TCF20: variants seen among roughly 807,000 people sequenced by gnomAD.
TCF20 encodes the protein transcription factor 20, also known as SPRE-binding protein.
Under a neutral mutation model 148.6 loss-of-function variants are expected in TCF20, and 3 were observed. That is an observed-to-expected ratio of 0.02 (90% CI 0.01 to 0.05). The LOEUF (loss-of-function observed/expected upper bound fraction) is 0.05, where lower values mean the gene tolerates loss of function less well. TCF20 is among the 10% of genes least tolerant of loss of function. The pLI, the probability that TCF20 is intolerant of heterozygous loss-of-function variation, is 1.00. For missense variants in TCF20, 2,350 were observed against 2,429.3 expected (o/e 0.97, Z 0.69); for synonymous variants, 1,049 against 909.5 (o/e 1.15, Z -2.76).
chr22:42,324,032 T>TGGAGGTTATGGTGGTGGAGGTGGTGGC (rs1569209822), intron 1 of TCF20, among the ~76,000 whole-genome samples: 42 of 133,804 alleles, frequency 3.1e-4, no homozygotes, highest in Admixed American at 4.5e-4. Context: ...GTGGTGGTGA[T>TGGAGGTTATGGTGGTGGAGGTGGTGGC]GGAGGTTATG....
At chr22:42,242,354 G>T (rs548736257) in intron 1 of TCF20, among the ~76,000 whole-genome samples, 1 of 151,798 alleles carries the variant, frequency 6.6e-6, no homozygotes, top group Non-Finnish European at 1.5e-5. Context: ...ACAAATAAGA[G>T]ATATCACCAA....
intron 1 of TCF20, among the ~76,000 whole-genome samples, chr22:42,222,470 C>A (rs1205320963): frequency 1.3e-5 from 2 of 151,042 alleles, no homozygotes; most frequent in African/African-American, 4.8e-5. Context: ...TGCTTAACTG[C>A]CATTTTGACA....
At chr22:42,184,243 T>C (rs1333559114) in intron 2 of TCF20, among the ~76,000 whole-genome samples, 2 of 152,168 alleles carry the variant, frequency 1.3e-5, no homozygotes, top group East Asian at 3.9e-4. Flanking sequence ...CTGCTAAAGA[T>C]CACATAGCTA....
intron 1 of TCF20, among the ~76,000 whole-genome samples, chr22:42,218,743 A>G (rs996792380): frequency 5.9e-5 from 9 of 152,180 alleles, no homozygotes; most frequent in African/African-American, 2.2e-4. Flanking sequence ...CACTTTAAAC[A>G]TCAGGGTATC....
intron 1 of TCF20, among the ~76,000 whole-genome samples, chr22:42,240,317 G>A (rs1012753146): frequency 3.2e-4 from 49 of 152,160 alleles, no homozygotes; most frequent in African/African-American, 1.2e-3. Flanking sequence ...ATACCACCTG[G>A]TTTACCCAAA....
At chr22:42,163,150 C>T (rs1011863461) in intron 5 of TCF20, among the ~76,000 whole-genome samples, 7 of 152,238 alleles carry the variant, frequency 4.6e-5, no homozygotes, top group Admixed American at 6.5e-5. Context: ...CTTGGGCCTG[C>T]ACCCCAATCT....
intron 2 of TCF20, among the ~76,000 whole-genome samples, chr22:42,180,407 G>A (rs552675537): frequency 1.3e-5 from 2 of 152,060 alleles, no homozygotes; most frequent in South Asian, 4.2e-4. Context: ...CTTAAAGTGG[G>A]GCACATCTCT....
At chr22:42,260,587 C>T (rs1471553923) in intron 1 of TCF20, among the ~76,000 whole-genome samples, 1 of 152,124 alleles carries the variant, frequency 6.6e-6, no homozygotes, top group Non-Finnish European at 1.5e-5. Context: ...CTCGCAGATG[C>T]AATACGCCCA....
chr22:42,176,680 G>A (rs1263678154), intron 3 of TCF20, among the ~76,000 whole-genome samples: 1 of 152,142 alleles, frequency 6.6e-6, no homozygotes, highest in Non-Finnish European at 1.5e-5. Context: ...CTGGGTGATG[G>A]TCTTAGATAC....
chr22:42,244,843 G>A (rs1419299199), intron 1 of TCF20, among the ~76,000 whole-genome samples: 1 of 152,158 alleles, frequency 6.6e-6, no homozygotes, highest in Non-Finnish European at 1.5e-5. Context: ...ACTTTGGGAG[G>A]CTGAGGCAGG....
At chr22:42,333,846 G>A (rs1928019556) in intron 1 of TCF20, among the ~76,000 whole-genome samples, 1 of 152,244 alleles carries the variant, frequency 6.6e-6, no homozygotes, top group African/African-American at 2.4e-5. Context: ...CCCTCTAGGA[G>A]GAGCACCGGC....
chr22:42,236,539 T>G (rs1430418925), intron 1 of TCF20, among the ~76,000 whole-genome samples: 1 of 152,226 alleles, frequency 6.6e-6, no homozygotes, highest in Admixed American at 6.5e-5. Flanking sequence ...GGAGCTCTAC[T>G]TGGAGGCAGA....
chr22:42,282,454 A>T (rs1601691689), intron 1 of TCF20, among the ~76,000 whole-genome samples: 1 of 152,308 alleles, frequency 6.6e-6, no homozygotes, highest in South Asian at 2.1e-4. Context: ...GGCTGTGCTA[A>T]CAGCCCCTGG....
At position 42,270,568 on chromosome 22, in the gene TCF20, G is replaced by A. The variant is rs1422742466; in HGVS notation, c.-266C>T. Among the ~76,000 whole-genome samples the A allele has an allele frequency of 1.4e-5, 2 of 145,638 alleles. No individual in the cohort carries two copies. Among genetic ancestry groups the A allele is most frequent in the Non-Finnish European group, 3.1e-5 (2 of 65,532 alleles). On this transcript the variant is annotated 5_prime_UTR_variant, in exon 1 of 6. Transcript: ENST00000677622. Reference sequence around the variant, plus strand: ...GCGCGCCTCAGGGCGGGCTCCCCTGGCGGAGGCCGCGGCCGCCTCGCAGGG... The same window carrying A: ...GCGCGCCTCAGGGCGGGCTCCCCTGACGGAGGCCGCGGCCGCCTCGCAGGG...
At chr22:42,228,062 G>A (rs938981207) in intron 1 of TCF20, among the ~76,000 whole-genome samples, 5 of 152,206 alleles carry the variant, frequency 3.3e-5, no homozygotes, top group African/African-American at 9.7e-5. Flanking sequence ...GATTTTATTA[G>A]AAGCCTTTGG....
intron 1 of TCF20, among the ~76,000 whole-genome samples, chr22:42,231,677 C>G (rs1923413576): frequency 6.6e-6 from 1 of 151,958 alleles, no homozygotes; most frequent in Non-Finnish European, 1.5e-5. Context: ...TGCCTGTAAT[C>G]CCAGCATTTT....
In TCF20 at chr22:42,215,222, T is replaced by C; in HGVS notation, c.84A>G (p.Glu28=). 1 of 1,614,204 alleles carries C rather than the reference T, an allele frequency of 6.2e-7. No individual in the cohort carries two copies. The highest frequency in any genetic ancestry group is 8.5e-7 in the Non-Finnish European group (1 of 1,180,030). The part of the protein sequence containing the change: ...PQEVHGSSRL[E]EFSPRQAQMF... ...TCTGGGCCTGACGAGGGCTGAACTC[T>C]TCTAGCCGGGATGAGCCGTGTACCT... The change falls in exon 2 of 6, where the codon GAA becomes GAG. Residue 28 remains glutamate, a synonymous_variant. Coordinates refer to ENST00000677622, the MANE Select transcript of TCF20 (RefSeq NM_001378418.1).
chr22:42,242,220 A>AAAAAAAACAG (rs1320304506), intron 1 of TCF20, among the ~76,000 whole-genome samples: 12 of 150,114 alleles, frequency 8.0e-5, no homozygotes, highest in African/African-American at 3.0e-4. Context: ...AAAAAAAAAA[A>AAAAAAAACAG]AAAAAAACAG....
At chr22:42,220,079 G>A (rs966837386) in intron 1 of TCF20, among the ~76,000 whole-genome samples, 1 of 152,130 alleles carries the variant, frequency 6.6e-6, no homozygotes, top group Non-Finnish European at 1.5e-5. Context: ...CATCCTATTA[G>A]AGGGCTGATG....
Sources: allele counts gnomAD v4.1 joint callset (sites outside exome capture counted in the v4.1 genomes callset), GRCh38; gene constraint gnomAD v4.1.1; transcripts MANE v1.5; gene names NCBI Gene and HGNC (gene_info 2026-07-23, HGNC 2026-07-21).